The following POU2F3 variants were observed in gnomAD, a reference collection of about 807,000 sequenced individuals.
The protein encoded by POU2F3 is POU class 2 homeobox 3.
POU2F3 carries 23 observed loss-of-function variants against 59.2 expected under a neutral mutation model. The ratio of observed to expected loss-of-function variants is 0.39; its 90% CI spans 0.28 to 0.55. POU2F3 has a LOEUF of 0.55. Among genes scored for constraint, POU2F3 ranks in the 20% least tolerant of loss-of-function variants. The pLI, the probability that POU2F3 is intolerant of heterozygous loss-of-function variation, is 0.66. For missense variants in POU2F3, 473 were observed against 544.5 expected (o/e 0.87, Z 1.31); for synonymous variants, 190 against 214.6 (o/e 0.89, Z 1.00).
chr11:120,257,238 T>C (rs951693142), intron 2 of POU2F3, among the ~76,000 whole-genome samples: 9 of 152,164 alleles, frequency 5.9e-5, no homozygotes, highest in Admixed American at 2.6e-4. Context: ...AGGGGGATGA[T>C]TTTCCCAAGG....
chr11:120,280,414 C>T (rs1201904049), intron 3 of POU2F3, among the ~76,000 whole-genome samples: 1 of 152,184 alleles, frequency 6.6e-6, no homozygotes, highest in Non-Finnish European at 1.5e-5. Flanking sequence ...AGGCACTTTA[C>T]ATAGGTGATA....
At chr11:120,244,234 G>A (rs139597721) in intron 1 of POU2F3, among the ~76,000 whole-genome samples, 41 of 152,270 alleles carry the variant, frequency 2.7e-4, no homozygotes, top group African/African-American at 9.9e-4. Context: ...AATTACAATG[G>A]TGCTGAGACA....
intron 2 of POU2F3, among the ~76,000 whole-genome samples, chr11:120,260,872 A>G (rs1022758134): frequency 3.3e-5 from 5 of 152,118 alleles, no homozygotes; most frequent in African/African-American, 1.2e-4. Context: ...GTTCCAGGTT[A>G]GCTTGGACAA....
intron 2 of POU2F3, among the ~76,000 whole-genome samples, chr11:120,260,769 C>T (rs751604359): frequency 1.4e-4 from 22 of 152,082 alleles, no homozygotes; most frequent in Non-Finnish European, 2.5e-4. Context: ...AGACATTCTC[C>T]GAGTTTGAGA....
intron 2 of POU2F3, chr11:120,256,138 A>C (rs1195707786): frequency 1.3e-5 from 2 of 152,178 alleles, no homozygotes; most frequent in African/African-American, 2.4e-5. Context: ...TCCTTTTCAC[A>C]CATCAGTTAG....
intron 3 of POU2F3, among the ~76,000 whole-genome samples, chr11:120,274,108 A>AAGGAAGGAAGAAAGG (rs1940212417): frequency 1.0e-4 from 12 of 116,224 alleles, no homozygotes; most frequent in Admixed American, 3.7e-4. Flanking sequence ...AGGAAGGAAG[A>AAGGAAGGAAGAAAGG]AAGGAAGGAA....
intron 2 of POU2F3, among the ~76,000 whole-genome samples, chr11:120,248,500 G>T (rs1938961022): frequency 6.6e-6 from 1 of 152,196 alleles, no homozygotes; most frequent in Non-Finnish European, 1.5e-5. Flanking sequence ...ATACAGATGG[G>T]CATCGCTGCT....
At chr11:120,312,355 TC>T (rs921229065) in intron 10 of POU2F3, among the ~76,000 whole-genome samples, 17 of 152,164 alleles carry the variant, frequency 1.1e-4, no homozygotes, top group African/African-American at 3.9e-4. Flanking sequence ...ACTCCTGACT[TC>T]AGGTGATCTG....
chr11:120,283,420 G>C (rs577761438), intron 3 of POU2F3, among the ~76,000 whole-genome samples: 2 of 152,258 alleles, frequency 1.3e-5, no homozygotes, highest in East Asian at 3.9e-4. Context: ...GCATCCAGTG[G>C]GCTGCCCCGT....
rs149496403 is a variant in POU2F3 at position 120,309,558 on chromosome 11, T to C, written c.1040T>C (p.Ile347Thr). The change falls in exon 10 of 13, where the codon ATC becomes ACC. Residue 347 changes from isoleucine (I) to threonine (T), a missense_variant. Transcript: ENST00000543440. ...KRINCPVATP[I>T]KPPVYNSRLV... ...ATCAACTGCCCTGTGGCCACACCCA[T>C]CAAACCACCTGTCTACAACTCCCGG... 1,642 of 1,613,894 alleles carry C rather than the reference T, an allele frequency of 1.0e-3. 17 individuals carry two copies. In the African/African-American group the frequency reaches 0.019, roughly 19 times the overall value.
At chr11:120,248,899 C>T (rs897783213) in intron 2 of POU2F3, among the ~76,000 whole-genome samples, 2 of 152,198 alleles carry the variant, frequency 1.3e-5, no homozygotes, top group Admixed American at 1.3e-4. Context: ...ACCTTCTCAG[C>T]AGTGCATGAA....
At chr11:120,274,023 A>G (rs2135209042) in intron 3 of POU2F3, among the ~76,000 whole-genome samples, 1 of 101,088 alleles carries the variant, frequency 9.9e-6, no homozygotes, top group East Asian at 0.019. Context: ...GTCTCAAAAA[A>G]AGAAAAAAAA....
intron 6 of POU2F3, 58 bp from the exon 7 acceptor site, chr11:120,304,967 AAAAAT>A: frequency 1.3e-5 from 16 of 1,189,558 alleles, no homozygotes; most frequent in Non-Finnish European, 1.6e-5. Context: ...AAAAAAAAAA[AAAAAT>A]CAGAAAATGT....
intron 3 of POU2F3, among the ~76,000 whole-genome samples, chr11:120,284,323 T>C (rs1940698186): frequency 6.6e-6 from 1 of 152,328 alleles, no homozygotes; most frequent in Admixed American, 6.5e-5. Context: ...CTCCCTGTTG[T>C]CTTTTCTTGC....
intron 10 of POU2F3, among the ~76,000 whole-genome samples, chr11:120,310,251 G>T (rs1367086835): frequency 6.6e-6 from 1 of 152,200 alleles, no homozygotes; most frequent in Admixed American, 6.5e-5. Flanking sequence ...AGACTTTGAT[G>T]GTGGAGTAGC....
At chr11:120,296,263 T>G (rs1177447323) in intron 3 of POU2F3, among the ~76,000 whole-genome samples, 1 of 152,208 alleles carries the variant, frequency 6.6e-6, no homozygotes, top group African/African-American at 2.4e-5. Flanking sequence ...GGGTTTTGCT[T>G]ATGTCTTTTG....
At chr11:120,300,003 C>T (rs769669205) in intron 5 of POU2F3, among the ~76,000 whole-genome samples, 2 of 152,108 alleles carry the variant, frequency 1.3e-5, no homozygotes, top group East Asian at 1.9e-4. Flanking sequence ...AAGGTGCAGG[C>T]GTGGAGCAGA....
intron 3 of POU2F3, among the ~76,000 whole-genome samples, chr11:120,273,733 A>T (rs985383020): frequency 1.3e-5 from 2 of 152,184 alleles, no homozygotes; most frequent in Non-Finnish European, 2.9e-5. Flanking sequence ...TTATGCACAC[A>T]GGCCAGGCGC....
At chr11:120,262,496 A>T (rs1200786780) in intron 2 of POU2F3, among the ~76,000 whole-genome samples, 1 of 152,218 alleles carries the variant, frequency 6.6e-6, no homozygotes, top group Non-Finnish European at 1.5e-5. Context: ...TTTCAGTCCT[A>T]AATAAGGGAA....
Sources: allele counts gnomAD v4.1 joint callset (sites outside exome capture counted in the v4.1 genomes callset), GRCh38; gene constraint gnomAD v4.1.1; transcripts MANE v1.5; gene names NCBI Gene and HGNC (gene_info 2026-07-23, HGNC 2026-07-21).